The following RBFOX1 variants were observed in gnomAD, a reference collection of about 807,000 sequenced individuals.
RBFOX1 encodes RNA binding fox-1 homolog 1.
A neutral mutation model predicts 57.7 loss-of-function variants in RBFOX1; 8 were observed. The observed-to-expected ratio is 0.14, with a 90% confidence interval of 0.08 to 0.25. The LOEUF is 0.25. Ranked by LOEUF, RBFOX1 falls within the 10% of genes least tolerant of loss-of-function variation. RBFOX1 has a pLI of 1.00. For synonymous variants in RBFOX1, 326 were observed against 222.4 expected (o/e 1.47, Z -4.15); for missense variants, 611 against 548.5 (o/e 1.11, Z -1.14).
intron 4 of RBFOX1, among the ~76,000 whole-genome samples, chr16:7,174,039 A>G (rs2152475304): frequency 6.6e-6 from 1 of 152,322 alleles, no homozygotes; most frequent in African/African-American, 2.4e-5. Flanking sequence ...ACAAATATTT[A>G]TTGAGCATCT....
intron 4 of RBFOX1, among the ~76,000 whole-genome samples, chr16:7,179,284 A>C (rs989725758): frequency 1.3e-5 from 2 of 151,550 alleles, no homozygotes. Flanking sequence ...GTTCATGTCC[A>C]TTGGAAGTGT....
chr16:6,133,551 C>A (rs139357682), intron 1 of RBFOX1, among the ~76,000 whole-genome samples: 2 of 152,340 alleles, frequency 1.3e-5, no homozygotes, highest in East Asian at 3.9e-4. Context: ...TGTTACCCCT[C>A]CCCATTAGTT....
intron 3 of RBFOX1, among the ~76,000 whole-genome samples, chr16:6,657,950 GCTTT>G (rs747601387): frequency 6.6e-6 from 1 of 151,426 alleles, no homozygotes; most frequent in Non-Finnish European, 1.5e-5. Flanking sequence ...ACCTCCCCTG[GCTTT>G]CTGTCTACTT....
At chr16:5,240,165 G>C in intron 1 of RBFOX1, 2 of 1,169,772 alleles carry the variant, frequency 1.7e-6, no homozygotes, top group East Asian at 2.6e-5. Flanking sequence ...CCGGAGACGC[G>C]GGGTAGGGGC....
At chr16:7,392,908 G>T (rs1328933544) in intron 4 of RBFOX1, among the ~76,000 whole-genome samples, 1 of 151,896 alleles carries the variant, frequency 6.6e-6, no homozygotes, top group Non-Finnish European at 1.5e-5. Flanking sequence ...GAGTCTTGCT[G>T]TGTCCCCCAA....
intron 4 of RBFOX1, among the ~76,000 whole-genome samples, chr16:7,414,637 A>T (rs749756148): frequency 9.2e-5 from 14 of 152,074 alleles, no homozygotes; most frequent in Non-Finnish European, 1.5e-4. Flanking sequence ...ATTTATTTTG[A>T]GATCAAAGCT....
chr16:7,292,560 A>G (rs1240809240), intron 4 of RBFOX1, among the ~76,000 whole-genome samples: 2 of 148,950 alleles, frequency 1.3e-5, no homozygotes, highest in Non-Finnish European at 1.5e-5. Context: ...ACACAAATAT[A>G]TAACAGAAGT....
intron 3 of RBFOX1, among the ~76,000 whole-genome samples, chr16:6,879,536 A>T: frequency 6.6e-6 from 1 of 152,236 alleles, no homozygotes; most frequent in East Asian, 1.9e-4. Flanking sequence ...TAGGTTAATG[A>T]GATTATTCAC....
chr16:6,168,121 T>A (rs1241179594), intron 1 of RBFOX1, among the ~76,000 whole-genome samples: 1 of 152,184 alleles, frequency 6.6e-6, no homozygotes, highest in South Asian at 2.1e-4. Flanking sequence ...GATTTGCATT[T>A]TAATTCGTTT....
chr16:7,109,001 A>G (rs550041184), intron 4 of RBFOX1, among the ~76,000 whole-genome samples: 13 of 152,294 alleles, frequency 8.5e-5, no homozygotes, highest in African/African-American at 2.9e-4. Flanking sequence ...GCATTTGTCA[A>G]TGGGATGGAA....
chr16:6,050,689 C>T (rs1233554485), intron 1 of RBFOX1, among the ~76,000 whole-genome samples: 3 of 152,002 alleles, frequency 2.0e-5, no homozygotes, highest in African/African-American at 7.3e-5. Context: ...CATGGAGTTA[C>T]CGGAGTACTT....
intron 3 of RBFOX1, among the ~76,000 whole-genome samples, chr16:5,785,275 GTA>G (rs1200226810): frequency 6.6e-6 from 1 of 152,164 alleles, no homozygotes; most frequent in Non-Finnish European, 1.5e-5. Context: ...AACTTAAATG[GTA>G]TGTGGCAGGA....
chr16:7,460,389 A>ATATGTGTG, intron 4 of RBFOX1, among the ~76,000 whole-genome samples: 36 of 87,204 alleles, frequency 4.1e-4, no homozygotes, highest in African/African-American at 2.0e-3. Context: ...ATATATATAT[A>ATATGTGTG]TGTGTGTGTG....
intron 4 of RBFOX1, among the ~76,000 whole-genome samples, chr16:7,173,562 T>A (rs2081115420): frequency 6.6e-6 from 1 of 152,182 alleles, no homozygotes; most frequent in Non-Finnish European, 1.5e-5. Context: ...GCATTTGTCA[T>A]CTCAATTACA....
chr16:7,101,410 G>C (rs73542432), intron 4 of RBFOX1, among the ~76,000 whole-genome samples: 5,836 of 152,234 alleles, frequency 0.038, 404 homozygotes, highest in African/African-American at 0.13. Flanking sequence ...TTTCGTTCCA[G>C]AGTCTTGGTA....
In RBFOX1 at chr16:7,158,094, A is replaced by T. The variant is rs760242661; in HGVS notation, c.27+105996A>T. Among the ~76,000 whole-genome samples the T allele has an allele frequency of 1.9e-4, 29 of 152,226 alleles. 1 individual carries two copies. Among genetic ancestry groups the T allele is most frequent in the Middle Eastern group, 3.4e-3 (1 of 290 alleles). ...CTGGGCGCGGTAGCTCAAGCCTGTA[A>T]TTCCAGCATTTTGGGAGGACAAGGT... On this transcript the variant is annotated intron_variant, in intron 4 of 15. Transcript: ENST00000550418.
intron 2 of RBFOX1, among the ~76,000 whole-genome samples, chr16:6,332,265 G>A (rs1488104902): frequency 3.3e-5 from 5 of 152,118 alleles, no homozygotes; most frequent in South Asian, 2.1e-4. Flanking sequence ...AGCTAAATTC[G>A]ATCAACCAGC....
At chr16:6,276,280 C>T (rs1042095934) in intron 1 of RBFOX1, among the ~76,000 whole-genome samples, 2 of 152,092 alleles carry the variant, frequency 1.3e-5, no homozygotes, top group African/African-American at 4.8e-5. Context: ...CGGAAGTGGT[C>T]GTTTTTTGTC....
At chr16:5,424,294 C>A (rs1567488238) in intron 1 of RBFOX1, among the ~76,000 whole-genome samples, 1 of 152,164 alleles carries the variant, frequency 6.6e-6, no homozygotes, top group East Asian at 1.9e-4. Context: ...TATAACTTGC[C>A]CATGCAGGTT....
Sources: gnomAD v4.1 joint callset for allele counts (sites outside exome capture counted in the v4.1 genomes callset) on GRCh38, gnomAD v4.1.1 for gene constraint, MANE v1.5 for transcripts, NCBI Gene and HGNC (gene_info 2026-07-23, HGNC 2026-07-21) for gene names.